The following BORCS5 variants were observed in gnomAD, a reference collection of about 807,000 sequenced individuals.
The protein encoded by BORCS5 is BLOC-1 related complex subunit 5, also known as BLOC-1-related complex subunit 5.
Under a neutral mutation model 22.1 loss-of-function variants are expected in BORCS5, and 17 were observed. The ratio of observed to expected loss-of-function variants is 0.77; its 90% CI spans 0.53 to 1.15. The LOEUF (loss-of-function observed/expected upper bound fraction) is 1.15. Ranked by LOEUF, BORCS5 falls within the 50% of genes most tolerant of loss-of-function variation. BORCS5 has a pLI of 0.00. For missense variants in BORCS5, 247 were observed against 253.2 expected (o/e 0.98, Z 0.17); for synonymous variants, 117 against 99.8 (o/e 1.17, Z -1.03).
At chr12:12,424,700 G>T (rs541605002) in intron 2 of BORCS5, among the ~76,000 whole-genome samples, 2 of 151,974 alleles carry the variant, frequency 1.3e-5, no homozygotes, top group South Asian at 4.2e-4. Flanking sequence ...TGTTTTTTGG[G>T]TTTATTTTTG....
rs775432457 is a variant in BORCS5, at chr12:12,357,417, C to T, written c.-35C>T. ...CGCCGCCGGAGCGGTGACCGCCCGG[C>T]CCGCCGTTCTTCTGCTGCCACCGCT... On this transcript the variant is annotated 5_prime_UTR_variant, in exon 1 of 4. Transcript: ENST00000314565. The T allele has an allele frequency of 2.6e-5, 42 of 1,598,314 alleles. No homozygotes were observed. The Admixed American group carries it at 6.9e-4, about 26-fold the overall frequency.
At chr12:12,413,765 A>G in intron 2 of BORCS5, among the ~76,000 whole-genome samples, 1 of 70,486 alleles carries the variant, frequency 1.4e-5, no homozygotes, top group South Asian at 3.4e-4. Flanking sequence ...GGGGCTCCTC[A>G]CTTCCCAGTA....
chr12:12,420,313 C>T (rs562375347), intron 2 of BORCS5, among the ~76,000 whole-genome samples: 2 of 152,262 alleles, frequency 1.3e-5, no homozygotes, highest in South Asian at 4.2e-4. Flanking sequence ...ATCCTTTCCC[C>T]ATTTCTTGTT....
chr12:12,436,568 T>C (rs193279400), intron 3 of BORCS5, among the ~76,000 whole-genome samples: 1 of 152,352 alleles, frequency 6.6e-6, no homozygotes, highest in Admixed American at 6.5e-5. Context: ...AGGAGCTGTT[T>C]ACTGGAGAAA....
chr12:12,381,404 T>G (rs1863772758), intron 2 of BORCS5, among the ~76,000 whole-genome samples: 1 of 151,452 alleles, frequency 6.6e-6, no homozygotes, highest in Admixed American at 6.6e-5. Context: ...TTCATTTTGC[T>G]TTGTTTGTTT....
At chr12:12,392,045 C>CA (rs61408318) in intron 2 of BORCS5, among the ~76,000 whole-genome samples, 1,851 of 66,832 alleles carry the variant, frequency 0.028, 46 homozygotes, top group Admixed American at 0.069. Context: ...GACTTCATTT[C>CA]AAAAAAAAAA....
chr12:12,405,980 C>T (rs1447537825), intron 2 of BORCS5, among the ~76,000 whole-genome samples: 3 of 152,244 alleles, frequency 2.0e-5, no homozygotes, highest in Admixed American at 2.0e-4. Flanking sequence ...AGAACTGAGC[C>T]ACTGCCAAGT....
At chr12:12,414,221 C>G (rs1269771052) in intron 2 of BORCS5, among the ~76,000 whole-genome samples, 182 of 87,998 alleles carry the variant, frequency 2.1e-3, no homozygotes, top group African/African-American at 8.6e-3. Flanking sequence ...ACCCCCCCAC[C>G]TCCCTCCCGG....
At chr12:12,430,418 T>C (rs915628057) in intron 2 of BORCS5, among the ~76,000 whole-genome samples, 2 of 152,168 alleles carry the variant, frequency 1.3e-5, no homozygotes, top group Non-Finnish European at 2.9e-5. Flanking sequence ...CCCAAAGTGC[T>C]GGGATTACAG....
At chr12:12,418,205 T>TTTTTTTTG (rs1235942706) in intron 2 of BORCS5, among the ~76,000 whole-genome samples, 6 of 149,558 alleles carry the variant, frequency 4.0e-5, no homozygotes, top group African/African-American at 1.2e-4. Flanking sequence ...TTTTTTGTTT[T>TTTTTTTTG]TTTTTTTGTT....
Position 12,357,367 on chromosome 12 carries a change from G to C in BORCS5, c.-85G>C. 1 of 1,533,816 alleles carries C rather than the reference G, an allele frequency of 6.5e-7. No individual in the cohort carries two copies. Reference sequence around the variant, plus strand: ...AGACTCTGCTTTGCCTCCCCGTCCCGGTCCCTGGCCCCTGCCCTGTCGCCC... The same window carrying C: ...AGACTCTGCTTTGCCTCCCCGTCCCCGTCCCTGGCCCCTGCCCTGTCGCCC... On this transcript the variant is annotated 5_prime_UTR_variant, in exon 1 of 4. Coordinates refer to ENST00000314565, the MANE Select transcript of BORCS5 (RefSeq NM_058169.6).
chr12:12,428,781 A>G (rs1269150377), intron 2 of BORCS5, among the ~76,000 whole-genome samples: 2 of 152,218 alleles, frequency 1.3e-5, no homozygotes, highest in East Asian at 1.9e-4. Flanking sequence ...GAGATGAAGT[A>G]GATATGACAA....
chr12:12,391,774 G>A (rs1236278188), intron 2 of BORCS5, among the ~76,000 whole-genome samples: 1 of 145,668 alleles, frequency 6.9e-6, no homozygotes, highest in African/African-American at 2.5e-5. Context: ...GCTCATGCCT[G>A]TAATCTCAGC....
At chr12:12,371,878 TTCTGTCATG>T (rs565878914) in intron 2 of BORCS5, among the ~76,000 whole-genome samples, 22 of 152,172 alleles carry the variant, frequency 1.4e-4, no homozygotes, top group Non-Finnish European at 2.9e-4. Flanking sequence ...TGGTCTTTTT[TTCTGTCATG>T]TCTGTACTGC....
intron 1 of BORCS5, 79 bp downstream of exon 1, chr12:12,357,588 G>T: frequency 6.8e-7 from 1 of 1,476,842 alleles, no homozygotes; most frequent in Non-Finnish European, 9.2e-7. Flanking sequence ...ACTAGGGTCA[G>T]GGACTGCGGA....
intron 2 of BORCS5, among the ~76,000 whole-genome samples, chr12:12,390,986 G>A (rs917702225): frequency 6.6e-6 from 1 of 152,004 alleles, no homozygotes; most frequent in African/African-American, 2.4e-5. Context: ...CACGTTAAAA[G>A]GGGAGGCGGG....
Position 12,394,910 on chromosome 12 carries a change from G to GC in BORCS5, c.202+33562dup, listed in dbSNP as rs375214164. Among the ~76,000 whole-genome samples the GC allele has an allele frequency of 7.2e-4, 110 of 152,124 alleles. 2 individuals carry two copies. The highest frequency in any genetic ancestry group is 2.6e-3 in the African/African-American group (106 of 41,430). On this transcript the variant is annotated intron_variant, in intron 2 of 3. Coordinates refer to ENST00000314565, the MANE Select transcript of BORCS5 (RefSeq NM_058169.6). ...ATCATCCACATATAGATAATGCTGAGCTACAGAGAGGTTAGACAACTTGCT... is the reference window on the plus strand; with the variant it reads ...ATCATCCACATATAGATAATGCTGAGCCTACAGAGAGGTTAGACAACTTGCT...
chr12:12,413,305 G>A (rs1941793819), intron 2 of BORCS5, among the ~76,000 whole-genome samples: 1 of 131,698 alleles, frequency 7.6e-6, no homozygotes, highest in Admixed American at 7.4e-5. Flanking sequence ...CTGCCTTCAA[G>A]CATCTGTTTA....
intron 2 of BORCS5, among the ~76,000 whole-genome samples, chr12:12,408,519 A>G (rs994914269): frequency 2.0e-5 from 3 of 152,170 alleles, no homozygotes; most frequent in African/African-American, 7.2e-5. Context: ...TCATCTTGCA[A>G]ACCTGAAACT....
Sources: allele counts gnomAD v4.1 joint callset (sites outside exome capture counted in the v4.1 genomes callset), GRCh38; gene constraint gnomAD v4.1.1; transcripts MANE v1.5; gene names NCBI Gene and HGNC (gene_info 2026-07-23, HGNC 2026-07-21).